Variants in KDM4C observed in about 807,000 individuals in gnomAD.
KDM4C encodes lysine-specific demethylase 4C.
KDM4C carries 81 observed loss-of-function variants against 129.3 expected under a neutral mutation model. The ratio of observed to expected loss-of-function variants is 0.63; its 90% CI spans 0.52 to 0.75. The LOEUF (loss-of-function observed/expected upper bound fraction) is 0.75. Ranked by LOEUF, KDM4C falls within the 30% of genes least tolerant of loss-of-function variation. The pLI, the probability that KDM4C is intolerant of heterozygous loss-of-function variation, is 0.00. For synonymous variants in KDM4C, 573 were observed against 456.1 expected, an observed-to-expected ratio of 1.26 and a Z score of -3.26; for missense variants, 1,457 against 1,304.0, an observed-to-expected ratio of 1.12 and a Z score of -1.81.
intron 17 of KDM4C, among the ~76,000 whole-genome samples, chr9:7,052,449 G>T (rs946644493): frequency 2.6e-5 from 4 of 152,182 alleles, no homozygotes; most frequent in Non-Finnish European, 4.4e-5. Flanking sequence ...AATGACTGTG[G>T]CTGGAGGAGT....
chr9:7,016,057 T>G, intron 15 of KDM4C, 128 bp downstream of exon 15: 1 of 530,144 alleles, frequency 1.9e-6, no homozygotes, highest in Admixed American at 3.2e-5. Flanking sequence ...TCCTTGTGTT[T>G]CTAGTCTTCC....
intron 18 of KDM4C, chr9:7,105,432 G>C (rs1837570337): frequency 6.4e-6 from 3 of 470,768 alleles, no homozygotes; most frequent in Non-Finnish European, 1.3e-5. Flanking sequence ...CTCAAAAAAT[G>C]AAAGTTGTAT....
At chr9:7,068,962 G>A (rs1832829239) in intron 17 of KDM4C, among the ~76,000 whole-genome samples, 1 of 152,014 alleles carries the variant, frequency 6.6e-6, no homozygotes, top group African/African-American at 2.4e-5. Context: ...CTCCCAAAGT[G>A]CTGGGATTAC....
intron 6 of KDM4C, among the ~76,000 whole-genome samples, chr9:6,887,000 CTGG>C (rs1845403838): frequency 6.6e-6 from 1 of 152,228 alleles, no homozygotes; most frequent in Non-Finnish European, 1.5e-5. Context: ...CCCCCTCATT[CTGG>C]TGGTGGAGGA....
chr9:7,042,618 A>G (rs1187121723), intron 15 of KDM4C, among the ~76,000 whole-genome samples: 1 of 152,040 alleles, frequency 6.6e-6, no homozygotes, highest in Non-Finnish European at 1.5e-5. Context: ...TAATGCCTCT[A>G]CCAGTATCAT....
At chr9:7,174,255 G>GCCAGAA (rs1235933482) in intron 21 of KDM4C, among the ~76,000 whole-genome samples, 5,946 of 152,140 alleles carry the variant, frequency 0.039, 354 homozygotes, top group East Asian at 0.26. Flanking sequence ...CAAAAACAGA[G>GCCAGAA]GGGAGATGAA....
At chr9:6,806,508 A>C (rs1199671634) in intron 3 of KDM4C, among the ~76,000 whole-genome samples, 1 of 150,914 alleles carries the variant, frequency 6.6e-6, no homozygotes, top group East Asian at 1.9e-4. Context: ...AAAATAAATA[A>C]ATAAATAAAT....
intron 14 of KDM4C, among the ~76,000 whole-genome samples, chr9:7,015,417 C>T (rs1005805820): frequency 6.6e-5 from 10 of 152,038 alleles, no homozygotes; most frequent in African/African-American, 2.4e-4. Context: ...TCCTTCATTG[C>T]TAACTCTGAA....
chr9:7,046,788 G>T (rs1258846214), intron 15 of KDM4C, 74 bp from the exon 16 acceptor site: 3 of 983,634 alleles, frequency 3.0e-6, no homozygotes, highest in Non-Finnish European at 4.9e-6. Context: ...GGATCTCTGA[G>T]AATATTTAGA....
chr9:7,030,033 A>G (rs1284880928), intron 15 of KDM4C, among the ~76,000 whole-genome samples: 1 of 152,206 alleles, frequency 6.6e-6, no homozygotes, highest in Non-Finnish European at 1.5e-5. Flanking sequence ...CCTATAATCT[A>G]GATATTAAAT....
At chr9:6,909,767 T>C (rs1209650969) in intron 8 of KDM4C, among the ~76,000 whole-genome samples, 3 of 152,158 alleles carry the variant, frequency 2.0e-5, no homozygotes, top group Non-Finnish European at 4.4e-5. Flanking sequence ...AAAAACAAAT[T>C]TGGATTTCTG....
At chr9:7,067,803 CT>C (rs1007620859) in intron 17 of KDM4C, among the ~76,000 whole-genome samples, 5 of 149,512 alleles carry the variant, frequency 3.3e-5, no homozygotes, top group South Asian at 2.1e-4. Flanking sequence ...TGATTTTTGA[CT>C]TTTTTTTTTG....
chr9:6,849,792 G>A, intron 5 of KDM4C, 92 bp downstream of exon 5: 1 of 1,032,748 alleles, frequency 9.7e-7, no homozygotes, highest in Admixed American at 2.2e-5. Flanking sequence ...TTGATTTGGT[G>A]GATTCAGATT....
At chr9:7,068,044 C>T (rs1247172563) in intron 17 of KDM4C, among the ~76,000 whole-genome samples, 1 of 152,178 alleles carries the variant, frequency 6.6e-6, no homozygotes, top group Admixed American at 6.5e-5. Context: ...GATCCACCCG[C>T]CTCGGCCTCC....
intron 19 of KDM4C, among the ~76,000 whole-genome samples, chr9:7,134,168 A>T (rs1840941246): frequency 6.6e-6 from 1 of 152,216 alleles, no homozygotes; most frequent in Non-Finnish European, 1.5e-5. Flanking sequence ...GTCTGCAGGC[A>T]TGGCCCACAT....
chr9:6,970,067 T>G (rs1340887138), intron 8 of KDM4C, among the ~76,000 whole-genome samples: 1 of 152,222 alleles, frequency 6.6e-6, no homozygotes, highest in Non-Finnish European at 1.5e-5. Context: ...CCAGTCTAGC[T>G]TCCCTAAATT....
intron 4 of KDM4C, among the ~76,000 whole-genome samples, chr9:6,840,420 A>T (rs1836703092): frequency 6.7e-6 from 1 of 149,778 alleles, no homozygotes; most frequent in African/African-American, 2.5e-5. Context: ...TTTTTGAGAC[A>T]GAGTCTCACT....
At chr9:6,800,837 A>G (rs1029900389) in intron 2 of KDM4C, among the ~76,000 whole-genome samples, 2 of 152,116 alleles carry the variant, frequency 1.3e-5, no homozygotes, top group African/African-American at 4.8e-5. Context: ...CATGTTGCCT[A>G]GGCTTGTCTC....
chr9:6,929,471 C>CTTTTTTTTTTTTTTT (rs59537472), intron 8 of KDM4C, among the ~76,000 whole-genome samples: 8 of 127,526 alleles, frequency 6.3e-5, no homozygotes, highest in Admixed American at 8.0e-5. Context: ...TTGACTTTTT[C>CTTTTTTTTTTTTTTT]TTTTTTTTTT....
Sources: gnomAD v4.1 joint callset for allele counts (sites outside exome capture counted in the v4.1 genomes callset) on GRCh38, gnomAD v4.1.1 for gene constraint, MANE v1.5 for transcripts, NCBI Gene and HGNC (gene_info 2026-07-23, HGNC 2026-07-21) for gene names.